Variants in LRRC45 observed in about 807,000 individuals in gnomAD.
The protein encoded by LRRC45 is leucine-rich repeat-containing protein 45.
Under a neutral mutation model 85.4 loss-of-function variants are expected in LRRC45, and 73 were observed. That is an observed-to-expected ratio of 0.85 (90% CI 0.71 to 1.04). The LOEUF is 1.04. LRRC45 is among the 50% of genes least tolerant of loss of function. The pLI is 0.00. For missense variants in LRRC45, 937 were observed against 883.3 expected (o/e 1.06, Z -0.77); for synonymous variants, 429 against 386.0 (o/e 1.11, Z -1.31).
chr17:82,028,718 C>G (rs762374561), intron 12 of LRRC45, 35 bp downstream of exon 12: 1 of 1,587,540 alleles, frequency 6.3e-7, no homozygotes, highest in Non-Finnish European at 8.6e-7. Flanking sequence ...GCGCCTCAGT[C>G]TCTGGTCTTG....
Position 82,028,000 on chromosome 17 carries a change from C to G in LRRC45, c.912-11C>G, listed in dbSNP as rs546762726. On this transcript the variant is annotated splice_polypyrimidine_tract_variant and intron_variant, in intron 8 of 16. Coordinates refer to ENST00000306688, the MANE Select transcript of LRRC45 (RefSeq NM_144999.4). ...CAACCGGGGCGGGGGTGCTGCCCCT[C>G]CTTTCTGCAGGCTGCAGATGACAGA... 3.1e-6 allele frequency: 5 copies of G among 1,591,700 alleles called. No homozygotes were observed. The Admixed American group carries it at 6.9e-5, about 22-fold the overall frequency.
chr17:82,027,166 C>G (rs2043375353), intron 6 of LRRC45, among the ~76,000 whole-genome samples, 155 bp downstream of exon 6: 1 of 152,210 alleles, frequency 6.6e-6, no homozygotes, highest in South Asian at 2.1e-4. Flanking sequence ...GGGCGGCCTC[C>G]TGGTCTGATC....
chr17:82,024,559 G>A (rs551946372), intron 2 of LRRC45, 134 bp from the exon 3 acceptor site: 40 of 1,119,120 alleles, frequency 3.6e-5, no homozygotes, highest in Middle Eastern at 4.6e-4. Flanking sequence ...TGAAGACAGG[G>A]AGCCCAGGAG....
At position 82,030,003 on chromosome 17, in the gene LRRC45, C is replaced by T. The variant is rs78893749; in HGVS notation, c.1495-62C>T. On this transcript the variant is annotated intron_variant, in intron 14 of 16. Coordinates refer to ENST00000306688, the MANE Select transcript of LRRC45 (RefSeq NM_144999.4). The stretch of plus-strand genomic sequence containing the variant: ...AGAGGTGGGGTCGTGCCCGTGCAGA[C>T]ATTCCCTCAGCTGAGCTCAGGCTGA... 1.5e-3 allele frequency: 2,265 copies of T among 1,466,098 alleles called. 37 individuals are homozygous for T. The African/African-American group carries it at 0.029, about 19-fold the overall frequency. The allele number at this position is 1,466,098 out of a possible 1,614,324, so 90.8% of individuals were successfully genotyped here.
intron 14 of LRRC45, 137 bp from the exon 15 acceptor site, chr17:82,029,928 C>T (rs1210340876): frequency 2.6e-6 from 3 of 1,135,694 alleles, no homozygotes; most frequent in Non-Finnish European, 3.6e-6. Context: ...GAGGTGGCTG[C>T]CAGGGGAGCG....
intron 2 of LRRC45, 73 bp downstream of exon 2, chr17:82,024,412 C>G (rs2043347382): frequency 6.4e-7 from 1 of 1,572,148 alleles, no homozygotes; most frequent in Non-Finnish European, 8.7e-7. Flanking sequence ...GATGCCAGGT[C>G]TCGGGGGCCT....
intron 12 of LRRC45, 61 bp downstream of exon 12, chr17:82,028,744 C>T: frequency 6.6e-7 from 1 of 1,523,242 alleles, no homozygotes; most frequent in Non-Finnish European, 8.9e-7. Flanking sequence ...ACGCAGGTGT[C>T]CCCAAAGCAC....
chr17:82,024,888 G>T, intron 3 of LRRC45, 112 bp from the exon 4 acceptor site: 1 of 1,439,084 alleles, frequency 6.9e-7, no homozygotes, highest in Non-Finnish European at 9.2e-7. Context: ...GTTGGCAGGG[G>T]TAGGCAGAGG....
rs1413200887 is a variant in LRRC45, at chr17:82,024,725, T to G, written c.315T>G (p.Ala105=). Residue 105 remains alanine, a synonymous_variant, in exon 3 of 17, where the codon GCT becomes GCG. Transcript: ENST00000306688. ...ACCTTCGGGCTGCAGGGGCCGAGGC[T>G]CTGGGAAAACTCCTCCAACAGAACA... ...GNNLRAAGAE[A]LGKLLQQNKS... The G allele has an allele frequency of 6.3e-7, 1 of 1,577,898 alleles. No individual in the cohort carries two copies. Among genetic ancestry groups the G allele is most frequent in the East Asian group, 2.3e-5 (1 of 44,442 alleles).
chr17:82,029,357 G>GGT, intron 13 of LRRC45, 172 bp downstream of exon 13: 1 of 881,052 alleles, frequency 1.1e-6, no homozygotes, highest in East Asian at 2.7e-5. Flanking sequence ...AAGGGACTTA[G>GGT]GTGGCATTCG....
rs1385508905 is a variant in LRRC45, at chr17:82,030,116, C to T, written c.1546C>T (p.Arg516Trp). Residue 516 changes from arginine to tryptophan, a missense_variant, in exon 15 of 17, where the codon CGG (arginine) becomes TGG (tryptophan). Arg to Trp is a moderately radical substitution (Grantham distance 101). Transcript: ENST00000306688. The part of the protein sequence containing the change: ...EDKLRLLAQA[R>W]DEAQGACLQQ... ...CAAGCTGAGACTGCTGGCGCAGGCA[C>T]GGGACGAGGCGCAGGGCGCTTGCCT... The T allele has an allele frequency of 1.9e-6, 3 of 1,547,378 alleles. No homozygotes were observed. The highest frequency in any genetic ancestry group is 4.9e-5 in the East Asian group (2 of 41,032).
intron 7 of LRRC45, 111 bp from the exon 8 acceptor site, chr17:82,027,563 T>C: frequency 6.5e-7 from 1 of 1,537,416 alleles, no homozygotes; most frequent in Non-Finnish European, 9.0e-7. Flanking sequence ...GGAGGCTCAG[T>C]GCCCAGGCGA....
At chr17:82,025,603 GAGAGCA>G in intron 5 of LRRC45, 96 bp downstream of exon 5, 1 of 1,403,252 alleles carries the variant, frequency 7.1e-7, no homozygotes, top group Non-Finnish European at 9.4e-7. Context: ...AACTGATGAG[GAGAGCA>G]GCCTGAGAGC....
chr17:82,024,951 C>G, intron 3 of LRRC45, 49 bp from the exon 4 acceptor site: 1 of 1,483,476 alleles, frequency 6.7e-7, no homozygotes, highest in South Asian at 1.4e-5. Flanking sequence ...CTGGACCCCA[C>G]GGGCTAGGCA....
At position 82,027,034 on chromosome 17, in the gene LRRC45, C is replaced by T. The variant is rs1449073472; in HGVS notation, c.774+23C>T. 5.8e-5 allele frequency: 90 copies of T among 1,552,776 alleles called. No homozygotes were observed. The Admixed American group carries it at 1.6e-3, about 28-fold the overall frequency. On this transcript the variant is annotated intron_variant, in intron 6 of 16. Transcript: ENST00000306688. ...CAGGTGAGGATGGCGCCTTCACTGACCTTGGAGCTGCTTATGGCTGGAGGG... is the reference window on the plus strand; with the variant it reads ...CAGGTGAGGATGGCGCCTTCACTGATCTTGGAGCTGCTTATGGCTGGAGGG...
chr17:82,025,184 G>A lies in LRRC45; in HGVS notation c.532+6G>A, dbSNP rs370824171. 1 of 1,582,936 alleles carries A rather than the reference G, an allele frequency of 6.3e-7. No homozygotes were observed. Among genetic ancestry groups the A allele is most frequent in the African/African-American group, 1.3e-5 (1 of 74,220 alleles). ...CACCACCCTCCAGCAGCTGGGTGAG[G>A]CCTCCCAGGCGCCCTCAGGCTCCCT... is the stretch of plus-strand genomic sequence containing the variant. On this transcript the variant is annotated splice_donor_region_variant and intron_variant, in intron 4 of 16. Coordinates refer to ENST00000306688, the MANE Select transcript of LRRC45 (RefSeq NM_144999.4).
rs2043387719 is a variant in LRRC45 at position 82,028,433 on chromosome 17, G to C, written c.1162G>C (p.Glu388Gln). 6.2e-7 allele frequency: 1 copy of C among 1,612,632 alleles called. No individual in the cohort carries two copies. Among genetic ancestry groups the C allele is most frequent in the African/African-American group, 1.3e-5 (1 of 74,928 alleles). The change falls in exon 11 of 17, where the codon GAG (glutamate) becomes CAG (glutamine). Residue 388 changes from glutamate to glutamine, a missense_variant. Glu to Gln is a conservative substitution (Grantham distance 29). Coordinates refer to ENST00000306688, the MANE Select transcript of LRRC45 (RefSeq NM_144999.4). ...GGAGCGGAAGTTCAGGTGTCAGCAGGAGCAGCTGTTCCAGACCAGGCAGGA... is the reference window on the plus strand; with the variant it reads ...GGAGCGGAAGTTCAGGTGTCAGCAGCAGCAGCTGTTCCAGACCAGGCAGGA... ...ELERKFRCQQEQLFQTRQEMT... is the reference protein window; with the variant it reads ...ELERKFRCQQQQLFQTRQEMT...
Position 82,023,695 on chromosome 17 carries a change from GAGCCCCAGGAGGCTGTCCTGCAGC to G in LRRC45, c.56_79del (p.Pro19_Gln26del), listed in dbSNP as rs2043335888. The G allele has an allele frequency of 1.5e-5, 23 of 1,552,590 alleles. No individual in the cohort carries two copies. Among genetic ancestry groups the G allele is most frequent in the Non-Finnish European group, 2.0e-5 (23 of 1,154,964 alleles). ...CCGCCTGTGCAGGGAGAGTGGGGCC[GAGCCCCAGGAGGCTGTCCTGCAGC>G]AGCTGCACCAGCTTCCCAGGGGCCG... On this transcript the variant is annotated inframe_deletion, in exon 1 of 17. Coordinates refer to ENST00000306688, the MANE Select transcript of LRRC45 (RefSeq NM_144999.4).
rs1483641045 is a variant in LRRC45, at chr17:82,023,542, G to A, written c.-102G>A. On this transcript the variant is annotated 5_prime_UTR_variant, in exon 1 of 17. Coordinates refer to ENST00000306688, the MANE Select transcript of LRRC45 (RefSeq NM_144999.4). The stretch of plus-strand genomic sequence containing the variant: ...TTGCTCTCCGCCCGGGTCGGCGGAG[G>A]CCCCGTCTCCTGTACCCGGCGCTGG... 1.8e-6 allele frequency: 2 copies of A among 1,081,178 alleles called. No individual in the cohort carries two copies. The highest frequency in any genetic ancestry group is 3.0e-5 in the Admixed American group (1 of 33,324). 67.0% of individuals were successfully genotyped at this position (1,081,178 alleles called of 1,614,324 possible).
Sources: allele counts gnomAD v4.1 joint callset (sites outside exome capture counted in the v4.1 genomes callset), GRCh38; gene constraint gnomAD v4.1.1; transcripts MANE v1.5; gene names NCBI Gene and HGNC (gene_info 2026-07-23, HGNC 2026-07-21).